The following HFM1 variants were observed in gnomAD, a reference collection of about 807,000 sequenced individuals.
HFM1 encodes probable ATP-dependent DNA helicase HFM1.
In HFM1, 169 loss-of-function variants were observed where a neutral mutation model predicts 192.1. That is an observed-to-expected ratio of 0.88 (90% confidence interval 0.78 to 1.00). HFM1 has a LOEUF of 1.00. Ranked by LOEUF, HFM1 falls within the 50% of genes least tolerant of loss-of-function variation. HFM1 has a pLI of 0.00. For synonymous variants in HFM1, 525 were observed against 537.8 expected (o/e 0.98, Z 0.33); for missense variants, 1,661 against 1,668.0 (o/e 1.00, Z 0.07).
chr1:91,404,668 C>T, intron 1 of HFM1, 130 bp downstream of exon 1: 1 of 285,946 alleles, frequency 3.5e-6, no homozygotes, highest in East Asian at 1.6e-4. Flanking sequence ...CGCGCCCGTC[C>T]GCTGCCTGCC....
intron 20 of HFM1, among the ~76,000 whole-genome samples, chr1:91,342,116 C>A (rs562546246): frequency 2.4e-5 from 3 of 122,962 alleles, no homozygotes; most frequent in African/African-American, 9.4e-5. Flanking sequence ...GATACCAAAA[C>A]TTGGCAGAGA....
At chr1:91,357,665 T>C (rs186736010) in intron 13 of HFM1, among the ~76,000 whole-genome samples, 105 of 152,298 alleles carry the variant, frequency 6.9e-4, no homozygotes, top group Non-Finnish European at 9.4e-4. Flanking sequence ...AGTAAAACTA[T>C]CTTTATTTGC....
At chr1:91,329,785 G>A (rs1443997945) in intron 20 of HFM1, among the ~76,000 whole-genome samples, 4 of 152,222 alleles carry the variant, frequency 2.6e-5, no homozygotes, top group African/African-American at 9.6e-5. Context: ...TAAGTCCATT[G>A]TTACATGAAA....
At chr1:91,309,109 T>C (rs1242279902) in intron 30 of HFM1, among the ~76,000 whole-genome samples, 1 of 152,184 alleles carries the variant, frequency 6.6e-6, no homozygotes, top group Admixed American at 6.5e-5. Flanking sequence ...GCTCACAGAA[T>C]AGTTCTAAAT....
At position 91,314,063 on chromosome 1, in the gene HFM1, G is replaced by A; in HGVS notation, c.3141-3C>T. ...CAGCTTTTAGCAAAACAGAATCCCT[G>A]AAAAATAGTATAGTTTAAATAGTGA... is the stretch of plus-strand genomic sequence containing the variant. On this transcript the variant is annotated splice_region_variant and splice_polypyrimidine_tract_variant and intron_variant, in intron 28 of 38. Transcript: ENST00000370425. The A allele has an allele frequency of 1.3e-6, 2 of 1,566,822 alleles. No individual in the cohort carries two copies. Among genetic ancestry groups the A allele is most frequent in the South Asian group, 1.1e-5 (1 of 88,868 alleles).
chr1:91,383,064 T>C (rs1661751249), intron 6 of HFM1, among the ~76,000 whole-genome samples: 1 of 152,178 alleles, frequency 6.6e-6, no homozygotes, highest in Non-Finnish European at 1.5e-5. Context: ...TCTTCCACTT[T>C]AAAATACATA....
intron 30 of HFM1, among the ~76,000 whole-genome samples, chr1:91,293,236 C>CA (rs1172755426): frequency 1.1e-4 from 16 of 151,382 alleles, no homozygotes; most frequent in Non-Finnish European, 1.8e-4. Flanking sequence ...TTCTGCACAG[C>CA]AAGAAAACTA....
chr1:91,326,919 C>T (rs1352374778), intron 20 of HFM1, among the ~76,000 whole-genome samples: 1 of 152,082 alleles, frequency 6.6e-6, no homozygotes, highest in African/African-American at 2.4e-5. Flanking sequence ...TTTTTGTTTG[C>T]TTGTTTAGGC....
intron 30 of HFM1, among the ~76,000 whole-genome samples, chr1:91,283,013 G>A (rs1667603206): frequency 6.6e-6 from 1 of 152,080 alleles, no homozygotes; most frequent in South Asian, 2.1e-4. Context: ...TCAGGAATGA[G>A]GACTGTATGC....
chr1:91,322,923 ACTTTC>A, intron 23 of HFM1, 22 bp downstream of exon 23: 1 of 1,086,074 alleles, frequency 9.2e-7, no homozygotes, highest in East Asian at 2.9e-5. Context: ...AAAAAAGAAA[ACTTTC>A]ATAAGTATGA....
chr1:91,353,035 AAT>A lies in HFM1; in HGVS notation c.1831+14_1831+15del. The A allele has an allele frequency of 6.8e-7, 1 of 1,472,348 alleles. No homozygotes were observed. The highest frequency in any genetic ancestry group is 1.2e-5 in the South Asian group (1 of 85,026). The allele number at this position is 1,472,348 out of a possible 1,614,324, so 91.2% of individuals were successfully genotyped here. On this transcript the variant is annotated intron_variant, in intron 15 of 38. Coordinates refer to ENST00000370425, the MANE Select transcript of HFM1 (RefSeq NM_001017975.6). Reference sequence around the variant, plus strand: ...AAAATATTTTATAGTATCCACGAGAAATATGTTTTACTTACAAAGAACTGGTA... The same window carrying A: ...AAAATATTTTATAGTATCCACGAGAAATGTTTTACTTACAAAGAACTGGTA...
At chr1:91,274,842 A>T (rs369926057) in intron 32 of HFM1, 33 bp from the exon 33 acceptor site, 1 of 1,110,886 alleles carries the variant, frequency 9.0e-7, no homozygotes, top group African/African-American at 1.5e-5. Context: ...TTCAACTATC[A>T]GTTTCACATC....
chr1:91,319,032 T>C (rs765982223), intron 25 of HFM1, 46 bp downstream of exon 25: 4 of 1,532,840 alleles, frequency 2.6e-6, no homozygotes, highest in Non-Finnish European at 3.5e-6. Flanking sequence ...GAATACAAAA[T>C]AAATTGCAGA....
At chr1:91,310,814 C>T (rs2101115387) in intron 30 of HFM1, among the ~76,000 whole-genome samples, 1 of 152,300 alleles carries the variant, frequency 6.6e-6, no homozygotes, top group South Asian at 2.1e-4. Flanking sequence ...TGAGGCCTCC[C>T]CAGCCATGTG....
intron 30 of HFM1, among the ~76,000 whole-genome samples, chr1:91,296,850 A>G (rs893999040): frequency 2.6e-5 from 4 of 152,202 alleles, no homozygotes; most frequent in Non-Finnish European, 5.9e-5. Context: ...CCCAGTCTAC[A>G]GCTCCCAGCG....
Position 91,287,512 on chromosome 1 carries a change from T to A in HFM1, c.3392-10450A>T, listed in dbSNP as rs569195179. ...AGGACATCCACACCAAAAACCCATC[T>A]GTACATCACCATCAGCAAAGACCAA... is the stretch of plus-strand genomic sequence containing the variant. On this transcript the variant is annotated intron_variant, in intron 30 of 38. Transcript: ENST00000370425. Among the ~76,000 whole-genome samples the A allele has an allele frequency of 2.6e-5, 4 of 152,250 alleles. No homozygotes were observed. The East Asian group carries it at 7.7e-4, about 29-fold the overall frequency.
intron 30 of HFM1, among the ~76,000 whole-genome samples, chr1:91,299,217 TC>T (rs1648248208): frequency 6.6e-6 from 1 of 152,162 alleles, no homozygotes; most frequent in Non-Finnish European, 1.5e-5. Flanking sequence ...AGGGATCAAT[TC>T]AACAAGAAGA....
intron 36 of HFM1, among the ~76,000 whole-genome samples, chr1:91,263,256 T>C (rs1181524796): frequency 1.3e-5 from 2 of 152,130 alleles, no homozygotes; most frequent in Non-Finnish European, 2.9e-5. Context: ...AAGATGATCA[T>C]CAATGCATCT....
intron 6 of HFM1, among the ~76,000 whole-genome samples, chr1:91,384,566 C>T (rs1661944634): frequency 6.6e-6 from 1 of 152,068 alleles, no homozygotes; most frequent in Non-Finnish European, 1.5e-5. Flanking sequence ...CCCAATTTGG[C>T]TGCTCTTTCT....
Sources: gnomAD v4.1 joint callset for allele counts (sites outside exome capture counted in the v4.1 genomes callset) on GRCh38, gnomAD v4.1.1 for gene constraint, MANE v1.5 for transcripts, NCBI Gene and HGNC (gene_info 2026-07-23, HGNC 2026-07-21) for gene names.